The following SPAG16 variants were observed in gnomAD, a reference collection of about 807,000 sequenced individuals.
The protein encoded by SPAG16 is sperm-associated antigen 16 protein.
Under a neutral mutation model 80.4 loss-of-function variants are expected in SPAG16, and 86 were observed. That is an observed-to-expected ratio of 1.07 (90% CI 0.90 to 1.28). SPAG16 has a LOEUF of 1.28. Ranked by LOEUF, SPAG16 falls within the 50% of genes most tolerant of loss-of-function variation. SPAG16 has a pLI of 0.00. For missense variants in SPAG16, 870 were observed against 765.3 expected (o/e 1.14, Z -1.61); for synonymous variants, 294 against 265.9 (o/e 1.11, Z -1.03).
At chr2:214,021,223 C>T (rs2047848288) in intron 13 of SPAG16, among the ~76,000 whole-genome samples, 1 of 151,990 alleles carries the variant, frequency 6.6e-6, no homozygotes, top group African/African-American at 2.4e-5. Flanking sequence ...TTTTTGGTCA[C>T]TCTGACTTTT....
chr2:214,291,357 G>A (rs1693784618), intron 15 of SPAG16, among the ~76,000 whole-genome samples: 1 of 136,456 alleles, frequency 7.3e-6, no homozygotes, highest in Non-Finnish European at 1.5e-5. Flanking sequence ...CCAGGCTGGA[G>A]TGCAGTGGCG....
intron 14 of SPAG16, among the ~76,000 whole-genome samples, 183 bp from the exon 15 acceptor site, chr2:214,148,957 T>C (rs1289255739): frequency 6.6e-6 from 1 of 151,458 alleles, no homozygotes; most frequent in African/African-American, 2.4e-5. Flanking sequence ...ATTTCTTAGT[T>C]TAGAGGAATG....
chr2:214,219,562 A>T (rs1309303709), intron 15 of SPAG16, among the ~76,000 whole-genome samples: 5 of 152,128 alleles, frequency 3.3e-5, no homozygotes, highest in Non-Finnish European at 7.4e-5. Flanking sequence ...CCAATTTTTT[A>T]AAAAAATCCA....
intron 10 of SPAG16, among the ~76,000 whole-genome samples, chr2:213,737,422 C>G (rs2067330206): frequency 6.6e-6 from 1 of 151,710 alleles, no homozygotes; most frequent in African/African-American, 2.4e-5. Flanking sequence ...ATTCTCTATG[C>G]TGTTATATAA....
intron 8 of SPAG16, among the ~76,000 whole-genome samples, chr2:213,372,599 A>G (rs1292800517): frequency 1.3e-5 from 2 of 152,114 alleles, no homozygotes; most frequent in Non-Finnish European, 2.9e-5. Context: ...TTTCAAATAT[A>G]ACATCTTCTT....
chr2:213,407,111 A>T (rs921713601), intron 9 of SPAG16, among the ~76,000 whole-genome samples: 6 of 152,114 alleles, frequency 3.9e-5, no homozygotes, highest in Non-Finnish European at 8.8e-5. Flanking sequence ...TGCGTGAATG[A>T]TCACAAACAA....
intron 6 of SPAG16, among the ~76,000 whole-genome samples, chr2:213,342,350 G>GTA (rs1238701566): frequency 2.3e-5 from 1 of 44,366 alleles, no homozygotes; most frequent in Non-Finnish European, 5.1e-5. Flanking sequence ...TTACATATAT[G>GTA]TATATATATA....
intron 13 of SPAG16, among the ~76,000 whole-genome samples, chr2:214,038,981 T>G (rs7578987): frequency 0.26 from 39,942 of 151,896 alleles, 5,632 homozygotes; most frequent in Middle Eastern, 0.31. Flanking sequence ...TTTGCTATTG[T>G]GAATAGTGCC....
chr2:213,483,196 C>G (rs2073833185), intron 9 of SPAG16, among the ~76,000 whole-genome samples: 1 of 152,034 alleles, frequency 6.6e-6, no homozygotes, highest in Non-Finnish European at 1.5e-5. Flanking sequence ...AATTAAACAC[C>G]CTTTATTTGA....
chr2:213,845,457 A>G (rs2074574963), intron 10 of SPAG16, among the ~76,000 whole-genome samples: 1 of 152,050 alleles, frequency 6.6e-6, no homozygotes, highest in South Asian at 2.1e-4. Context: ...CGGCCTCCCA[A>G]AGTGCTGGGA....
chr2:213,960,721 G>A (rs1272531548), intron 12 of SPAG16, among the ~76,000 whole-genome samples: 1 of 152,148 alleles, frequency 6.6e-6, no homozygotes, highest in Non-Finnish European at 1.5e-5. Context: ...GCTTTTGAAT[G>A]TTCTAAATGT....
intron 9 of SPAG16, among the ~76,000 whole-genome samples, chr2:213,446,264 A>G (rs926525707): frequency 6.6e-6 from 1 of 152,212 alleles, no homozygotes; most frequent in Non-Finnish European, 1.5e-5. Flanking sequence ...GGCTGAAATG[A>G]CAGACATTGG....
At chr2:213,650,357 T>C (rs2062976335) in intron 10 of SPAG16, among the ~76,000 whole-genome samples, 1 of 152,214 alleles carries the variant, frequency 6.6e-6, no homozygotes. Flanking sequence ...GACATATCTC[T>C]CCTGCCTTAT....
intron 5 of SPAG16, among the ~76,000 whole-genome samples, chr2:213,337,637 A>G (rs1310434391): frequency 6.6e-6 from 1 of 152,146 alleles, no homozygotes; most frequent in Non-Finnish European, 1.5e-5. Flanking sequence ...CTTGAAGACT[A>G]TCTTGCTGAA....
At chr2:213,435,344 G>T (rs1384828374) in intron 9 of SPAG16, among the ~76,000 whole-genome samples, 2 of 152,180 alleles carry the variant, frequency 1.3e-5, no homozygotes, top group African/African-American at 4.8e-5. Flanking sequence ...GTATGCACAC[G>T]TACATAGTGT....
chr2:213,645,984 G>C (rs992651693), intron 10 of SPAG16, among the ~76,000 whole-genome samples: 3 of 152,114 alleles, frequency 2.0e-5, no homozygotes, highest in African/African-American at 4.8e-5. Flanking sequence ...TCCCTCAGTG[G>C]GCCAGTGTCA....
Position 213,530,550 on chromosome 2 carries a change from C to T in SPAG16, c.1070+40460C>T, listed in dbSNP as rs548217602. On this transcript the variant is annotated intron_variant, in intron 10 of 15. Transcript: ENST00000331683. Reference sequence around the variant, plus strand: ...ATTTATAATGAAAAATGATCCAAACCTCATTCTACCAACATCCTTCCCAGA... The same window carrying T: ...ATTTATAATGAAAAATGATCCAAACTTCATTCTACCAACATCCTTCCCAGA... Among the ~76,000 whole-genome samples the T allele has an allele frequency of 3.9e-5, 6 of 152,204 alleles. No individual in the cohort carries two copies. In the South Asian group the frequency reaches 1.2e-3, roughly 32 times the overall value.
At chr2:213,453,586 G>A (rs999065647) in intron 9 of SPAG16, among the ~76,000 whole-genome samples, 3 of 152,134 alleles carry the variant, frequency 2.0e-5, no homozygotes, top group Non-Finnish European at 4.4e-5. Flanking sequence ...ATGTTTGCAG[G>A]ATGAACCACT....
chr2:213,522,272 A>G (rs2075706840), intron 10 of SPAG16, among the ~76,000 whole-genome samples: 1 of 152,222 alleles, frequency 6.6e-6, no homozygotes, highest in Admixed American at 6.5e-5. Context: ...TTCACTCTCC[A>G]TTATTCGAAA....
Sources: gnomAD v4.1 joint callset for allele counts (sites outside exome capture counted in the v4.1 genomes callset) on GRCh38, gnomAD v4.1.1 for gene constraint, MANE v1.5 for transcripts, NCBI Gene and HGNC (gene_info 2026-07-23, HGNC 2026-07-21) for gene names.